INTS9: variants seen among roughly 807,000 people sequenced by gnomAD.
The protein encoded by INTS9 is integrator complex subunit 9, also known as protein related to CPSF subunits of 74 kDa.
Under a neutral mutation model 79.7 loss-of-function variants are expected in INTS9, and 55 were observed. The observed-to-expected ratio is 0.69, with a 90% CI of 0.56 to 0.86. The LOEUF is 0.86. INTS9 is among the 40% of genes least tolerant of loss of function. The pLI is 0.00. For synonymous variants in INTS9, 319 were observed against 325.2 expected, an observed-to-expected ratio of 0.98 and a Z score of 0.20; for missense variants, 721 against 831.5, an observed-to-expected ratio of 0.87 and a Z score of 1.64.
rs1802319696 is a variant in INTS9 at position 28,768,206 on chromosome 8, A to G, written c.1917T>C (p.Asn639=). 1.9e-6 allele frequency: 3 copies of G among 1,614,176 alleles called. No individual in the cohort carries two copies. The East Asian group carries it at 6.7e-5, about 36-fold the overall frequency. The stretch of plus-strand genomic sequence containing the variant: ...GCAGTCGCACTCTGAGCATCTCGTC[A>G]TTGTCGCAGATGATATGGGTCGAGT... The part of the protein sequence containing the change: ...EEDSTHIICD[N]DEMLRVRLRD... Residue 639 remains asparagine (N), a synonymous_variant, in exon 17 of 17, where the codon AAT becomes AAC. Transcript: ENST00000521022.
chr8:28,807,367 G>A (rs1288663659), intron 8 of INTS9, among the ~76,000 whole-genome samples: 1 of 152,064 alleles, frequency 6.6e-6, no homozygotes, highest in Admixed American at 6.5e-5. Context: ...AGAGGGAAAG[G>A]CTCCCAAATC....
intron 1 of INTS9, among the ~76,000 whole-genome samples, chr8:28,876,280 C>A (rs931965902): frequency 2.0e-5 from 3 of 152,056 alleles, no homozygotes; most frequent in Non-Finnish European, 2.9e-5. Context: ...GTGTAGAAAT[C>A]CATTATTTCT....
intron 1 of INTS9, among the ~76,000 whole-genome samples, chr8:28,888,310 G>C (rs1022694708): frequency 3.3e-5 from 5 of 152,164 alleles, no homozygotes; most frequent in African/African-American, 1.2e-4. Flanking sequence ...CCAGCACTTT[G>C]GAAGGTTGAG....
chr8:28,876,829 G>A (rs1809421435), intron 1 of INTS9, among the ~76,000 whole-genome samples: 1 of 151,638 alleles, frequency 6.6e-6, no homozygotes, highest in Non-Finnish European at 1.5e-5. Flanking sequence ...AACCACACAG[G>A]AAAAGATTTC....
chr8:28,884,304 C>T (rs931744525), intron 1 of INTS9, among the ~76,000 whole-genome samples: 2 of 149,916 alleles, frequency 1.3e-5, no homozygotes, highest in Non-Finnish European at 3.0e-5. Flanking sequence ...TCACCTCAGC[C>T]TACTGAGTAG....
chr8:28,878,299 G>T (rs528626872), intron 1 of INTS9, among the ~76,000 whole-genome samples: 1 of 152,124 alleles, frequency 6.6e-6, no homozygotes, highest in South Asian at 2.1e-4. Flanking sequence ...CTGAAAGAGT[G>T]GGAGGGAATC....
At chr8:28,808,605 C>G (rs1024583539) in intron 8 of INTS9, among the ~76,000 whole-genome samples, 2 of 152,164 alleles carry the variant, frequency 1.3e-5, no homozygotes, top group African/African-American at 4.8e-5. Flanking sequence ...AACCTACTAC[C>G]CTCTTCTGCA....
chr8:28,772,534 C>T (rs977651443), intron 14 of INTS9, among the ~76,000 whole-genome samples: 1 of 149,968 alleles, frequency 6.7e-6, no homozygotes, highest in Non-Finnish European at 1.5e-5. Context: ...TAGGGCCGGG[C>T]ACGGTGGTTC....
At chr8:28,826,289 A>G (rs1330351275) in intron 6 of INTS9, among the ~76,000 whole-genome samples, 1 of 152,172 alleles carries the variant, frequency 6.6e-6, no homozygotes, top group Non-Finnish European at 1.5e-5. Context: ...ATGACACTCA[A>G]AAGAAAAAAA....
At chr8:28,856,027 G>A (rs145978672) in intron 2 of INTS9, among the ~76,000 whole-genome samples, 36 of 152,292 alleles carry the variant, frequency 2.4e-4, no homozygotes, top group African/African-American at 8.7e-4. Flanking sequence ...CAGCTTTTCT[G>A]TAAATCTGTA....
chr8:28,875,170 T>G (rs1431501890), intron 1 of INTS9, among the ~76,000 whole-genome samples: 1 of 152,138 alleles, frequency 6.6e-6, no homozygotes, highest in Admixed American at 6.5e-5. Flanking sequence ...AAGATGAGAT[T>G]TGCGTGGAGA....
chr8:28,841,262 C>T (rs1001764135), intron 4 of INTS9, among the ~76,000 whole-genome samples: 27 of 152,328 alleles, frequency 1.8e-4, no homozygotes, highest in African/African-American at 6.3e-4. Flanking sequence ...GACCACGTAA[C>T]TGTTTGCTGG....
intron 1 of INTS9, among the ~76,000 whole-genome samples, chr8:28,873,193 C>T (rs911415957): frequency 6.6e-6 from 1 of 152,162 alleles, no homozygotes; most frequent in Non-Finnish European, 1.5e-5. Context: ...ACTATATTGC[C>T]TGACAGTTTA....
chr8:28,821,420 T>C (rs1805821060), intron 6 of INTS9, among the ~76,000 whole-genome samples: 1 of 152,138 alleles, frequency 6.6e-6, no homozygotes, highest in Admixed American at 6.5e-5. Context: ...GAAAAACTGG[T>C]CCCCATGATT....
At chr8:28,864,196 T>C (rs890931229) in intron 1 of INTS9, among the ~76,000 whole-genome samples, 1 of 152,108 alleles carries the variant, frequency 6.6e-6, no homozygotes, top group African/African-American at 2.4e-5. Context: ...TAAAAAAAAT[T>C]AGCCAGGTGT....
chr8:28,875,391 A>G (rs1174990869), intron 1 of INTS9, among the ~76,000 whole-genome samples: 3 of 152,196 alleles, frequency 2.0e-5, no homozygotes, highest in Non-Finnish European at 4.4e-5. Context: ...AATAACACAT[A>G]ACACTCCTTC....
rs146439198 is a variant in INTS9 at position 28,777,338 on chromosome 8, C to T, written c.1395+491G>A. Among the ~76,000 whole-genome samples the T allele has an allele frequency of 2.6e-3, 388 of 150,754 alleles. 2 individuals carry two copies. The highest frequency in any genetic ancestry group is 9.1e-3 in the African/African-American group (373 of 40,998). On this transcript the variant is annotated intron_variant, in intron 13 of 16. Transcript: ENST00000521022. Reference sequence around the variant, plus strand: ...CGTGGCCCTGCCTTCCTGCTACGCGCGCCTCCTGGTCTACACTGCACCCCA... The same window carrying T: ...CGTGGCCCTGCCTTCCTGCTACGCGTGCCTCCTGGTCTACACTGCACCCCA...
intron 2 of INTS9, among the ~76,000 whole-genome samples, chr8:28,851,588 C>A (rs1447622997): frequency 6.6e-6 from 1 of 151,948 alleles, no homozygotes; most frequent in Non-Finnish European, 1.5e-5. Flanking sequence ...CAGGTGCCCG[C>A]CACCACACCT....
chr8:28,778,791 CAG>C (rs571549462), intron 12 of INTS9, among the ~76,000 whole-genome samples: 208 of 152,362 alleles, frequency 1.4e-3, no homozygotes, highest in South Asian at 6.4e-3. Flanking sequence ...ACACCAGACA[CAG>C]AGACGTCTCC....
Sources: gnomAD v4.1 joint callset for allele counts (sites outside exome capture counted in the v4.1 genomes callset) on GRCh38, gnomAD v4.1.1 for gene constraint, MANE v1.5 for transcripts, NCBI Gene and HGNC (gene_info 2026-07-23, HGNC 2026-07-21) for gene names.